The following STK4 variants were observed in gnomAD, a reference collection of about 807,000 sequenced individuals.
STK4 encodes serine/threonine-protein kinase 4.
STK4 carries 30 observed loss-of-function variants against 64.9 expected under a neutral mutation model. The ratio of observed to expected loss-of-function variants is 0.46; its 90% CI spans 0.35 to 0.63. STK4 has a LOEUF of 0.63. Ranked by LOEUF, STK4 falls within the 20% of genes least tolerant of loss-of-function variation. The pLI is 0.01. For missense variants in STK4, 466 were observed against 598.5 expected (o/e 0.78, Z 2.31); for synonymous variants, 177 against 199.0 (o/e 0.89, Z 0.93).
intron 1 of STK4, among the ~76,000 whole-genome samples, chr20:44,971,321 AGGAAGG>A (rs1446470571): frequency 1.3e-5 from 2 of 152,198 alleles, no homozygotes; most frequent in African/African-American, 4.8e-5. Flanking sequence ...ATCTACTCAT[AGGAAGG>A]TCTTTGTGAG....
At chr20:45,001,095 G>C (rs1448164080) in intron 8 of STK4, 72 bp from the exon 9 acceptor site, 2 of 1,469,712 alleles carry the variant, frequency 1.4e-6, no homozygotes, top group Admixed American at 2.0e-5. Context: ...CACTAAGACA[G>C]GTAGTAGTTA....
At chr20:45,018,820 T>C (rs2068190814) in intron 9 of STK4, among the ~76,000 whole-genome samples, 1 of 151,892 alleles carries the variant, frequency 6.6e-6, no homozygotes, top group Non-Finnish European at 1.5e-5. Context: ...AGTCTTGAAC[T>C]GGGCTCAAGT....
At chr20:44,996,440 C>T (rs972757757) in intron 6 of STK4, among the ~76,000 whole-genome samples, 2 of 152,188 alleles carry the variant, frequency 1.3e-5, no homozygotes, top group Admixed American at 6.5e-5. Context: ...AAAAGACTTA[C>T]ACAAATTCAT....
intron 9 of STK4, 29 bp downstream of exon 9, chr20:45,001,382 C>A: frequency 6.3e-7 from 1 of 1,588,702 alleles, no homozygotes; most frequent in Non-Finnish European, 8.6e-7. Flanking sequence ...TCACTGACTT[C>A]TTAGACCAAG....
At chr20:44,967,888 G>A (rs1436789533) in intron 1 of STK4, among the ~76,000 whole-genome samples, 3 of 152,184 alleles carry the variant, frequency 2.0e-5, no homozygotes, top group Non-Finnish European at 4.4e-5. Flanking sequence ...GCCAGGCACT[G>A]TTCTAAGTGC....
chr20:44,984,265 G>T (rs2067492868), intron 4 of STK4, among the ~76,000 whole-genome samples: 1 of 134,438 alleles, frequency 7.4e-6, no homozygotes, highest in Non-Finnish European at 1.5e-5. Context: ...TGTGAACTCG[G>T]CTCAGTGCAA....
At chr20:45,031,105 A>G (rs566778651) in intron 10 of STK4, among the ~76,000 whole-genome samples, 7 of 152,176 alleles carry the variant, frequency 4.6e-5, no homozygotes, top group Non-Finnish European at 8.8e-5. Context: ...GTTCTCATGG[A>G]GTTTACAGTG....
In STK4 at chr20:45,078,112, A is replaced by G. The variant is rs1980652874; in HGVS notation, c.*2936A>G. 6.6e-6 allele frequency: 1 copy of G among 152,038 alleles called. No homozygotes were observed. The highest frequency in any genetic ancestry group is 6.5e-5 in the Admixed American group (1 of 15,270). The allele number at this position is 152,038 out of a possible 1,614,324, so 9.4% of individuals were successfully genotyped here. Reference sequence around the variant, plus strand: ...GAGCATTTGGAACTCGAGCTTCCAGAGAAATTTGAGGTCCTCGCTTGTTCT... The same window carrying G: ...GAGCATTTGGAACTCGAGCTTCCAGGGAAATTTGAGGTCCTCGCTTGTTCT... On this transcript the variant is annotated 3_prime_UTR_variant, in exon 11 of 11. Transcript: ENST00000372806.
chr20:45,069,453 T>A (rs1358134108), intron 10 of STK4, among the ~76,000 whole-genome samples: 1 of 152,258 alleles, frequency 6.6e-6, no homozygotes, highest in African/African-American at 2.4e-5. Context: ...AGTTCTTTTT[T>A]GTTTGAATAA....
chr20:45,044,579 G>A (rs577285662), intron 10 of STK4, among the ~76,000 whole-genome samples: 44 of 152,260 alleles, frequency 2.9e-4, no homozygotes, highest in Middle Eastern at 3.4e-3. Context: ...GCTTGAACCC[G>A]GGAGTATATG....
chr20:44,995,459 A>T (rs1443626208), intron 6 of STK4, among the ~76,000 whole-genome samples: 2 of 152,056 alleles, frequency 1.3e-5, no homozygotes, highest in Non-Finnish European at 2.9e-5. Flanking sequence ...TACAAAAATT[A>T]GCTGGGTGTG....
intron 9 of STK4, 101 bp downstream of exon 9, chr20:45,001,454 C>T: frequency 7.3e-7 from 1 of 1,370,546 alleles, no homozygotes; most frequent in Non-Finnish European, 9.7e-7. Flanking sequence ...TGGGTTCTTT[C>T]TTTTGTCACA....
intron 7 of STK4, among the ~76,000 whole-genome samples, chr20:44,998,858 G>C (rs2067783343): frequency 6.6e-6 from 1 of 152,076 alleles, no homozygotes; most frequent in Non-Finnish European, 1.5e-5. Flanking sequence ...ATCACTTGAG[G>C]TCGGGAGTTT....
chr20:44,972,073 C>T lies in STK4; in HGVS notation c.36-5C>T. On this transcript the variant is annotated splice_polypyrimidine_tract_variant and splice_region_variant and intron_variant, in intron 1 of 10. Coordinates refer to ENST00000372806, the MANE Select transcript of STK4 (RefSeq NM_006282.5). The stretch of plus-strand genomic sequence containing the variant: ...TATTTTGTGTTTATATTTCTTTATT[C>T]ACAGGCAGCTGAAAAAGTTGGATGA... 1 of 1,612,714 alleles carries T rather than the reference C, an allele frequency of 6.2e-7. No individual in the cohort carries two copies. The highest frequency in any genetic ancestry group is 1.1e-5 in the South Asian group (1 of 90,878).
intron 10 of STK4, chr20:45,053,001 C>A: frequency 9.6e-7 from 1 of 1,041,194 alleles, no homozygotes; most frequent in Non-Finnish European, 1.4e-6. Context: ...TCTTATTTTT[C>A]CTGTAAAGCT....
At chr20:45,069,406 G>A (rs185666123) in intron 10 of STK4, among the ~76,000 whole-genome samples, 5 of 152,214 alleles carry the variant, frequency 3.3e-5, no homozygotes, top group African/African-American at 1.2e-4. Flanking sequence ...TTCTTTTGAT[G>A]ATCTCATTCT....
Position 44,995,093 on chromosome 20 carries a change from A to G in STK4, c.529A>G (p.Thr177Ala), listed in dbSNP as rs1259481890. 6.3e-7 allele frequency: 1 copy of G among 1,597,652 alleles called. No homozygotes were observed. The highest frequency in any genetic ancestry group is 8.5e-7 in the Non-Finnish European group (1 of 1,171,970). Residue 177 changes from threonine (T) to alanine (A), a missense_variant, in exon 6 of 11, where the codon ACC becomes GCC. Around this residue, in one of 2 missense-constraint regions of STK4, gnomAD observed 190 missense variants for 289.7 expected, o/e 0.66. Coordinates refer to ENST00000372806, the MANE Select transcript of STK4 (RefSeq NM_006282.5). ...TCTCTCTCCCTTTCTATTTTAGGAT[A>G]CCATGGCCAAGCGGAATACAGTGAT... Reference protein sequence around the residue: ...DFGVAGQLTDTMAKRNTVIGT... With the variant: ...DFGVAGQLTDAMAKRNTVIGT...
intron 10 of STK4, among the ~76,000 whole-genome samples, chr20:45,037,584 C>G (rs549010135): frequency 2.6e-5 from 4 of 152,130 alleles, no homozygotes; most frequent in Admixed American, 1.3e-4. Flanking sequence ...TTTGAATTCC[C>G]TGGATAGTTA....
intron 10 of STK4, among the ~76,000 whole-genome samples, chr20:45,074,404 C>A (rs942111674): frequency 4.6e-5 from 7 of 152,160 alleles, no homozygotes; most frequent in Non-Finnish European, 1.0e-4. Flanking sequence ...CTTACCCCAA[C>A]CCCTGCCAAG....
Sources: gnomAD v4.1 joint callset for allele counts (sites outside exome capture counted in the v4.1 genomes callset) on GRCh38, gnomAD v4.1.1 for gene constraint, gnomAD v4.1.1 regional missense constraint, MANE v1.5 for transcripts, NCBI Gene and HGNC (gene_info 2026-07-23, HGNC 2026-07-21) for gene names.